The following ASPG variants were observed in gnomAD, a reference collection of about 807,000 sequenced individuals.
ASPG encodes 60 kDa lysophospholipase.
A neutral mutation model predicts 63.2 loss-of-function variants in ASPG; 53 were observed. The observed-to-expected ratio is 0.84, with a 90% CI of 0.67 to 1.05. The LOEUF (loss-of-function observed/expected upper bound fraction) is 1.05, where lower values mean the gene tolerates loss of function less well. ASPG is among the 50% of genes least tolerant of loss of function. The pLI is 0.00. For missense variants in ASPG, 741 were observed against 794.4 expected, an observed-to-expected ratio of 0.93 and a Z score of 0.81; for synonymous variants, 370 against 355.0, an observed-to-expected ratio of 1.04 and a Z score of -0.48.
Position 104,110,288 on chromosome 14 carries a change from C to A in ASPG, c.1520+973C>A. On this transcript the variant is annotated intron_variant, in intron 13 of 15. Coordinates refer to ENST00000551177, the MANE Select transcript of ASPG (RefSeq NM_001080464.3). The surrounding 1 kb of genome is among the most constrained non-coding windows in gnomAD (Gnocchi z 4.7). ...GGCTGGGAGGGGGTGGGTGCAGGCG[C>A]CTGCCCAGCAGGAGGAGGACTAGCA... 2 of 985,232 alleles carry A rather than the reference C, an allele frequency of 2.0e-6. No homozygotes were observed. Among genetic ancestry groups the A allele is most frequent in the Non-Finnish European group, 2.4e-6 (2 of 829,878 alleles). 61.0% of individuals were successfully genotyped at this position (985,232 alleles called of 1,614,324 possible). A position where few individuals can be genotyped will look rare whatever the true frequency, so the allele number is the denominator to read the frequency against.
chr14:104,087,707 G>A (rs941949), intron 1 of ASPG, among the ~76,000 whole-genome samples: 35,176 of 152,096 alleles, frequency 0.23, 4,707 homozygotes, highest in East Asian at 0.36. Flanking sequence ...CTGCAGTTTC[G>A]TTGAGCTCAA....
intron 13 of ASPG, 101 bp from the exon 14 acceptor site, chr14:104,111,401 G>A: frequency 2.6e-6 from 3 of 1,158,952 alleles, no homozygotes; most frequent in Non-Finnish European, 3.7e-6. Flanking sequence ...GTTTGGGGCT[G>A]GCTTTGTAAG....
chr14:104,111,441 G>C (rs1566844240), intron 13 of ASPG, 61 bp from the exon 14 acceptor site: 1 of 1,405,738 alleles, frequency 7.1e-7, no homozygotes, highest in Admixed American at 2.0e-5. Flanking sequence ...GGACAGGCAC[G>C]TGGGCAGATG....
Position 104,104,339 on chromosome 14 carries a change from G to A in ASPG, c.789G>A (p.Val263=), listed in dbSNP as rs749973111. ...TCTTGCAGCCTCCCCTGAAGGGCGTGGTCATGGAGACCTTCGGTTCAGGGA... is the reference window on the plus strand; with the variant it reads ...TCTTGCAGCCTCCCCTGAAGGGCGTAGTCATGGAGACCTTCGGTTCAGGGA... ...RAFLQPPLKG[V]VMETFGSGNG... Residue 263 remains valine, a synonymous_variant, in exon 8 of 16, where the codon GTG becomes GTA. Transcript: ENST00000551177. 2.5e-6 allele frequency: 4 copies of A among 1,612,460 alleles called. No homozygotes were observed. Among genetic ancestry groups the A allele is most frequent in the Non-Finnish European group, 3.4e-6 (4 of 1,179,772 alleles).
At chr14:104,093,438 G>A (rs757014852) in intron 2 of ASPG, 53 bp from the exon 3 acceptor site, 2 of 1,463,508 alleles carry the variant, frequency 1.4e-6, no homozygotes, top group Non-Finnish European at 1.9e-6. Flanking sequence ...AGAGCAGGAG[G>A]AGGTGCAGAG....
intron 6 of ASPG, among the ~76,000 whole-genome samples, chr14:104,102,586 G>C (rs549071975): frequency 1.8e-4 from 27 of 152,350 alleles, no homozygotes; most frequent in Admixed American, 9.1e-4. Flanking sequence ...AGTGTGGTGG[G>C]AGTCCCCAGT....
intron 1 of ASPG, among the ~76,000 whole-genome samples, chr14:104,088,409 A>G (rs961977650): frequency 2.0e-5 from 3 of 152,126 alleles, no homozygotes; most frequent in Non-Finnish European, 4.4e-5. Flanking sequence ...GGGCATAGCG[A>G]ATCCAAACAC....
chr14:104,085,963 G>C (rs557420910), intron 1 of ASPG, 111 bp downstream of exon 1: 25 of 995,724 alleles, frequency 2.5e-5, no homozygotes, highest in East Asian at 6.4e-5. Flanking sequence ...GCGCCTGGAT[G>C]GGGGGTGCGG....
Position 104,103,585 on chromosome 14 carries a change from G to C in ASPG, c.663G>C (p.Lys221Asn). The C allele has an allele frequency of 6.5e-7, 1 of 1,548,156 alleles. No individual in the cohort carries two copies. The change falls in exon 7 of 16, where the codon AAG becomes AAC. Residue 221 changes from lysine (K) to asparagine (N), a missense_variant. Coordinates refer to ENST00000551177, the MANE Select transcript of ASPG (RefSeq NM_001080464.3). Reference sequence around the variant, plus strand: ...CAGTCAACAGGGAGCTGGTGCGGAAGGTGGACGGGAAGGCTGGGCTGGTGG... The same window carrying C: ...CAGTCAACAGGGAGCTGGTGCGGAACGTGGACGGGAAGGCTGGGCTGGTGG... Reference protein sequence around the residue: ...DITINRELVRKVDGKAGLVVH... With the variant: ...DITINRELVRNVDGKAGLVVH...
At chr14:104,089,871 C>A (rs1484560638) in intron 1 of ASPG, among the ~76,000 whole-genome samples, 1 of 137,980 alleles carries the variant, frequency 7.2e-6, no homozygotes, top group South Asian at 2.4e-4. Flanking sequence ...TTGCTTGAGC[C>A]GGGTGGGTGG....
intron 1 of ASPG, among the ~76,000 whole-genome samples, chr14:104,090,958 C>T (rs1262678236): frequency 6.6e-6 from 1 of 152,140 alleles, no homozygotes; most frequent in African/African-American, 2.4e-5. Flanking sequence ...CTCCGCCTGC[C>T]AGATTCAAGT....
chr14:104,102,159 T>G (rs1307171476), intron 6 of ASPG, among the ~76,000 whole-genome samples: 1 of 152,014 alleles, frequency 6.6e-6, no homozygotes, highest in Non-Finnish European at 1.5e-5. Context: ...CTTATCTGCT[T>G]GTCCGGCTGA....
chr14:104,093,240 C>G, intron 2 of ASPG: 1 of 574,600 alleles, frequency 1.7e-6, no homozygotes, highest in Non-Finnish European at 3.1e-6. Flanking sequence ...CCCCCCTCTT[C>G]GAGCTGGTGT....
chr14:104,111,456 G>C, intron 13 of ASPG, 46 bp from the exon 14 acceptor site: 1 of 1,478,194 alleles, frequency 6.8e-7, no homozygotes. Flanking sequence ...CAGATGGACA[G>C]GTGCCCAGCA....
chr14:104,112,754 G>A lies in ASPG; in HGVS notation c.*210G>A. The A allele has an allele frequency of 8.4e-7, 1 of 1,185,008 alleles. No individual in the cohort carries two copies. 73.4% of individuals were successfully genotyped at this position (1,185,008 alleles called of 1,614,324 possible). A position where few individuals can be genotyped will look rare whatever the true frequency, so the allele number is the denominator to read the frequency against. On this transcript the variant is annotated 3_prime_UTR_variant, in exon 16 of 16. Transcript: ENST00000551177. ...CTCTGAGAGGCTCTGTCTGGGTCCG[G>A]GACTGTGGATGTGTGTGGGGAGTCA... is the stretch of plus-strand genomic sequence containing the variant.
Position 104,112,799 on chromosome 14 carries a change from C to G in ASPG, c.*255C>G. 1 of 731,918 alleles carries G rather than the reference C, an allele frequency of 1.4e-6. No individual in the cohort carries two copies. The highest frequency in any genetic ancestry group is 2.1e-6 in the Non-Finnish European group (1 of 466,552). 45.3% of individuals were successfully genotyped at this position (731,918 alleles called of 1,614,324 possible). A position where few individuals can be genotyped will look rare whatever the true frequency, so the allele number is the denominator to read the frequency against. ...GAGTCAGGCCCAGGCTCTGTGGGGT[C>G]TCTGCGGGGGTCACTTGGCCCATCC... On this transcript the variant is annotated 3_prime_UTR_variant, in exon 16 of 16. Transcript: ENST00000551177.
chr14:104,102,683 T>C (rs1324633865), intron 6 of ASPG, among the ~76,000 whole-genome samples: 1 of 151,976 alleles, frequency 6.6e-6, no homozygotes, highest in South Asian at 2.1e-4. Flanking sequence ...CCTCTGAGGG[T>C]TTGGGGGCCG....
At chr14:104,089,830 C>G (rs922449820) in intron 1 of ASPG, among the ~76,000 whole-genome samples, 1 of 151,664 alleles carries the variant, frequency 6.6e-6, no homozygotes, top group African/African-American at 2.4e-5. Flanking sequence ...TGCCTGTAAT[C>G]CCGGCTACTC....
At chr14:104,106,965 G>A in intron 11 of ASPG, 71 bp downstream of exon 11, 1 of 1,460,068 alleles carries the variant, frequency 6.8e-7, no homozygotes, top group Non-Finnish European at 9.3e-7. Flanking sequence ...CCTGTAGGCA[G>A]GACGGCCTTT....
Sources: gnomAD v4.1 joint callset for allele counts (sites outside exome capture counted in the v4.1 genomes callset) on GRCh38, gnomAD v4.1.1 for gene constraint, Gnocchi (gnomAD v3.1) non-coding constraint, MANE v1.5 for transcripts, NCBI Gene and HGNC (gene_info 2026-07-23, HGNC 2026-07-21) for gene names.